Variants in PER3 observed in about 807,000 individuals in gnomAD.
PER3 encodes the protein period circadian protein homolog 3.
Under a neutral mutation model 127.2 loss-of-function variants are expected in PER3, and 107 were observed. That is an observed-to-expected ratio of 0.84 (90% confidence interval 0.72 to 0.99). The LOEUF (loss-of-function observed/expected upper bound fraction) is 0.99. Ranked by LOEUF, PER3 falls within the 50% of genes least tolerant of loss-of-function variation. PER3 has a pLI of 0.00. For synonymous variants in PER3, 618 were observed against 585.8 expected, an observed-to-expected ratio of 1.05 and a Z score of -0.79; for missense variants, 1,560 against 1,525.8, an observed-to-expected ratio of 1.02 and a Z score of -0.37.
intron 10 of PER3, among the ~76,000 whole-genome samples, chr1:7,806,900 T>C (rs1432494976): frequency 6.7e-6 from 1 of 150,022 alleles, no homozygotes; most frequent in Non-Finnish European, 1.5e-5. Context: ...ACTAGGAATA[T>C]GTAAATCTCA....
intron 5 of PER3, among the ~76,000 whole-genome samples, chr1:7,792,111 G>C (rs1577647757): frequency 6.6e-6 from 1 of 152,262 alleles, no homozygotes; most frequent in South Asian, 2.1e-4. Flanking sequence ...TGCTAATAAA[G>C]ACATACCCAA....
At chr1:7,816,370 A>G (rs2097251490) in intron 13 of PER3, among the ~76,000 whole-genome samples, 1 of 152,196 alleles carries the variant, frequency 6.6e-6, no homozygotes, top group Admixed American at 6.5e-5. Context: ...AAAGAGACTG[A>G]TAACTATGGC....
chr1:7,828,214 A>AT (rs2097312302), intron 18 of PER3, among the ~76,000 whole-genome samples: 1 of 152,210 alleles, frequency 6.6e-6, no homozygotes, highest in South Asian at 2.1e-4. Context: ...CATATTGACA[A>AT]TTTAACGATT....
intron 13 of PER3, among the ~76,000 whole-genome samples, chr1:7,812,170 T>C (rs75025669): frequency 2.4e-4 from 36 of 152,344 alleles, no homozygotes; most frequent in Non-Finnish European, 4.7e-4. Flanking sequence ...TTTCACACAC[T>C]GACCTCTGTC....
At chr1:7,797,895 C>T (rs922715298) in intron 6 of PER3, among the ~76,000 whole-genome samples, 15 of 152,170 alleles carry the variant, frequency 9.9e-5, no homozygotes, top group African/African-American at 3.6e-4. Context: ...TTGAAGTCAT[C>T]AATCAGAGCC....
At chr1:7,789,974 C>T (rs1012987934) in intron 5 of PER3, among the ~76,000 whole-genome samples, 1 of 152,146 alleles carries the variant, frequency 6.6e-6, no homozygotes, top group Admixed American at 6.5e-5. Flanking sequence ...GTTAGCTGTT[C>T]ATTCCGTAAA....
intron 18 of PER3, 35 bp downstream of exon 18, chr1:7,827,850 A>C (rs1416877458): frequency 2.0e-6 from 3 of 1,502,290 alleles, no homozygotes; most frequent in Non-Finnish European, 2.7e-6. Flanking sequence ...TCAAGTGAGA[A>C]AGTGAATATC....
intron 13 of PER3, among the ~76,000 whole-genome samples, chr1:7,812,565 C>T (rs1353458092): frequency 7.3e-6 from 1 of 136,130 alleles, no homozygotes; most frequent in African/African-American, 2.8e-5. Flanking sequence ...GTGGAGCTTG[C>T]AGTGAGCCGA....
At chr1:7,828,377 A>C (rs1488257781) in intron 18 of PER3, among the ~76,000 whole-genome samples, 1 of 152,104 alleles carries the variant, frequency 6.6e-6, no homozygotes, top group East Asian at 1.9e-4. Context: ...GCTTCCTTTA[A>C]CTTTTCATCC....
chr1:7,810,227 T>C (rs2097213392), intron 12 of PER3: 1 of 636,840 alleles, frequency 1.6e-6, no homozygotes, highest in South Asian at 2.2e-5. Flanking sequence ...ATTGTATGCG[T>C]TCTAAAAATT....
At chr1:7,836,048 A>C (rs2097356787) in intron 20 of PER3, 103 bp downstream of exon 20, 1 of 729,826 alleles carries the variant, frequency 1.4e-6, no homozygotes, top group Non-Finnish European at 2.3e-6. Flanking sequence ...CCCAGGCTGG[A>C]GTGCAGTGGC....
In PER3 at chr1:7,843,839, T is replaced by G; in HGVS notation, c.*1084T>G. 9.4e-7 allele frequency: 1 copy of G among 1,063,558 alleles called. No individual in the cohort carries two copies. Among genetic ancestry groups the G allele is most frequent in the Non-Finnish European group, 1.2e-6 (1 of 823,572 alleles). 65.9% of individuals were successfully genotyped at this position (1,063,558 alleles called of 1,614,324 possible). ...TTCTATGGCGTTTGTAGTTGTGTCT[T>G]TTAAGAAGTGAGTGTGATTGTTTAC... On this transcript the variant is annotated 3_prime_UTR_variant, in exon 22 of 22. Coordinates refer to ENST00000377532, the MANE Select transcript of PER3 (RefSeq NM_001377275.1).
At position 7,829,979 on chromosome 1, in the gene PER3, A is replaced by G. The variant is rs1349647841; in HGVS notation, c.3032A>G (p.His1011Arg). 5 of 1,263,968 alleles carry G rather than the reference A, an allele frequency of 4.0e-6. No homozygotes were observed. In the South Asian group the frequency reaches 5.0e-5, roughly 13 times the overall value. The allele number at this position is 1,263,968 out of a possible 1,614,324, so 78.3% of individuals were successfully genotyped here. A position where few individuals can be genotyped will look rare whatever the true frequency, so the allele number is the denominator to read the frequency against. ...TGSPPMKNPS[H>R]PTASALSTGS... The stretch of plus-strand genomic sequence containing the variant: ...TCGCCTCCCATGAAGAATCCATCCC[A>G]TCCTACTGCCAGCGCTCTGTCCACA... Residue 1011 changes from histidine (H) to arginine (R), a missense_variant, in exon 19 of 22, where the codon CAT (histidine) becomes CGT (arginine). This residue lies in a region of PER3 where 29 missense variants were observed against 103.6 expected (regional missense o/e 0.28). Transcript: ENST00000377532.
At position 7,827,725 on chromosome 1, in the gene PER3, C is replaced by T. The variant is rs142483609; in HGVS notation, c.2796C>T (p.Pro932=). The change falls in exon 18 of 22, where the codon CCC becomes CCT. Residue 932 remains proline (P), a synonymous_variant. Transcript: ENST00000377532. ...HPFITSRSSS[P]LQLNLLQEEM... ...TCATTACTTCGAGAAGCAGCTCACC[C>T]TTGCAGTTAAACTTACTTCAGGAAG... is the stretch of plus-strand genomic sequence containing the variant. 752 of 1,614,148 alleles carry T rather than the reference C, an allele frequency of 4.7e-4. 3 individuals are homozygous for T. The highest frequency in any genetic ancestry group is 9.9e-4 in the Middle Eastern group (6 of 6,062).
At chr1:7,790,611 C>T (rs1440830142) in intron 5 of PER3, among the ~76,000 whole-genome samples, 1 of 152,206 alleles carries the variant, frequency 6.6e-6, no homozygotes, top group Non-Finnish European at 1.5e-5. Context: ...GCTTTTCCAA[C>T]AGTCCCCCAA....
Position 7,843,986 on chromosome 1 carries a change from G to C in PER3, c.*1231G>C. The C allele has an allele frequency of 8.0e-7, 1 of 1,253,868 alleles. No homozygotes were observed. Among genetic ancestry groups the C allele is most frequent in the South Asian group, 1.4e-5 (1 of 71,822 alleles). 77.7% of individuals were successfully genotyped at this position (1,253,868 alleles called of 1,614,324 possible). ...GAAAAAACAAATAGAAGAAAATGAG[G>C]GTTACAGTAACCTGTTGTCTTTATA... On this transcript the variant is annotated 3_prime_UTR_variant, in exon 22 of 22. Transcript: ENST00000377532.
At chr1:7,832,891 T>G (rs2097339832) in intron 19 of PER3, among the ~76,000 whole-genome samples, 1 of 149,820 alleles carries the variant, frequency 6.7e-6, no homozygotes, top group African/African-American at 2.5e-5. Context: ...CAGGCTGGAG[T>G]GCAGTGGCAT....
intron 5 of PER3, among the ~76,000 whole-genome samples, chr1:7,792,057 C>G (rs170631): frequency 0.074 from 11,263 of 152,260 alleles, 522 homozygotes; most frequent in Middle Eastern, 0.13. Context: ...GGCAGCACCC[C>G]ACTCTTTGCA....
At chr1:7,809,651 C>T (rs2097210246) in intron 11 of PER3, among the ~76,000 whole-genome samples, 1 of 152,130 alleles carries the variant, frequency 6.6e-6, no homozygotes, top group Admixed American at 6.5e-5. Context: ...GGCTTTTTAA[C>T]AATATGTTGT....
Sources: allele counts gnomAD v4.1 joint callset (sites outside exome capture counted in the v4.1 genomes callset), GRCh38; gene constraint gnomAD v4.1.1; regional missense constraint gnomAD v4.1.1; transcripts MANE v1.5; gene names NCBI Gene and HGNC (gene_info 2026-07-23, HGNC 2026-07-21).